Variants in RBFOX3 observed in about 807,000 individuals in gnomAD.
RBFOX3 encodes the protein RNA binding protein fox-1 homolog 3.
In RBFOX3, 17 loss-of-function variants were observed where a neutral mutation model predicts 48.7. The observed-to-expected ratio is 0.35, with a 90% CI of 0.24 to 0.52. The LOEUF is 0.52. RBFOX3 is among the 20% of genes least tolerant of loss of function. RBFOX3 has a pLI of 0.94. For missense variants in RBFOX3, 382 were observed against 497.5 expected (o/e 0.77, Z 2.21); for synonymous variants, 212 against 209.5 (o/e 1.01, Z -0.10).
At chr17:79,337,223 G>A (rs1177837285) in intron 2 of RBFOX3, among the ~76,000 whole-genome samples, 1 of 152,068 alleles carries the variant, frequency 6.6e-6, no homozygotes, top group Non-Finnish European at 1.5e-5. Context: ...TCCAGGCTAG[G>A]ACTTTTCAAA....
At chr17:79,130,411 G>A (rs555320878) in intron 4 of RBFOX3, among the ~76,000 whole-genome samples, 3 of 152,328 alleles carry the variant, frequency 2.0e-5, no homozygotes, top group South Asian at 2.1e-4. Context: ...CCAACAACCC[G>A]CCACCAAGTC....
intron 2 of RBFOX3, among the ~76,000 whole-genome samples, chr17:79,416,996 T>G (rs1383372492): frequency 6.6e-6 from 1 of 152,092 alleles, no homozygotes; most frequent in Non-Finnish European, 1.5e-5. Context: ...CTTGGCATGG[T>G]TTGCAGCAGG....
chr17:79,169,073 C>G (rs1013652093), intron 4 of RBFOX3, among the ~76,000 whole-genome samples: 3 of 152,244 alleles, frequency 2.0e-5, no homozygotes, highest in African/African-American at 7.2e-5. Context: ...CCTGGCCCTG[C>G]TCAGCTCTCA....
intron 2 of RBFOX3, among the ~76,000 whole-genome samples, chr17:79,464,291 A>C (rs904267898): frequency 1.3e-5 from 2 of 152,264 alleles, no homozygotes; most frequent in Non-Finnish European, 2.9e-5. Context: ...GAAAATTCCC[A>C]GAAAGACGTT....
At chr17:79,320,924 C>T (rs1179902516) in intron 2 of RBFOX3, among the ~76,000 whole-genome samples, 1 of 152,204 alleles carries the variant, frequency 6.6e-6, no homozygotes, top group African/African-American at 2.4e-5. Flanking sequence ...CTTCCCTGCA[C>T]ATTCAGAGTC....
At chr17:79,302,686 A>C (rs938339780) in intron 3 of RBFOX3, among the ~76,000 whole-genome samples, 11 of 152,192 alleles carry the variant, frequency 7.2e-5, no homozygotes, top group Admixed American at 2.0e-4. Context: ...TAGATGGTGA[A>C]AGAAATGAGT....
rs782407966 is a variant in RBFOX3, at chr17:79,535,357, G to C, written c.-319-52759C>G. Among the ~76,000 whole-genome samples, 1 of 152,168 alleles carries C rather than the reference G, an allele frequency of 6.6e-6. No homozygotes were observed. The highest frequency in any genetic ancestry group is 2.4e-5 in the African/African-American group (1 of 41,434). Reference sequence around the variant, plus strand: ...ATCACCTATAGGTAAGGAGAAGAGGGAGGGTGACAGAGGCTCCCAGAAGTC... The same window carrying C: ...ATCACCTATAGGTAAGGAGAAGAGGCAGGGTGACAGAGGCTCCCAGAAGTC... On this transcript the variant is annotated intron_variant, in intron 1 of 14. Coordinates refer to ENST00000693108, the MANE Select transcript of RBFOX3 (RefSeq NM_001350451.2). The surrounding 1 kb of genome is among the most constrained non-coding windows in gnomAD (Gnocchi z 4.5).
chr17:79,595,192 C>A (rs1472518966), intron 1 of RBFOX3, among the ~76,000 whole-genome samples: 1 of 151,976 alleles, frequency 6.6e-6, no homozygotes. Flanking sequence ...CGAGGCTGAC[C>A]ATAATGGGGC....
intron 4 of RBFOX3, among the ~76,000 whole-genome samples, chr17:79,131,719 T>C (rs1343647787): frequency 1.3e-5 from 2 of 152,168 alleles, no homozygotes; most frequent in African/African-American, 4.8e-5. Flanking sequence ...GGGTCAGATA[T>C]TGAGGGGTTC....
intron 2 of RBFOX3, among the ~76,000 whole-genome samples, chr17:79,359,937 G>A (rs1054452042): frequency 1.3e-5 from 2 of 152,084 alleles, no homozygotes; most frequent in Non-Finnish European, 2.9e-5. Flanking sequence ...TGTTGCCCAG[G>A]CTGATCTCGA....
In RBFOX3 at chr17:79,343,281, T is replaced by C. The variant is rs143155490; in HGVS notation, c.-174-35457A>G. ...TAACTCACACCTGTAATCCCAGCACTTTGGGAGGCCTAGGAGGGTGGATCA... is the reference window on the plus strand; with the variant it reads ...TAACTCACACCTGTAATCCCAGCACCTTGGGAGGCCTAGGAGGGTGGATCA... On this transcript the variant is annotated intron_variant, in intron 2 of 14. Transcript: ENST00000693108. Among the ~76,000 whole-genome samples, 1,099 of 152,188 alleles carry C rather than the reference T, an allele frequency of 7.2e-3. 14 individuals carry two copies. The highest frequency in any genetic ancestry group is 0.025 in the African/African-American group (1,031 of 41,512).
At chr17:79,408,127 G>C (rs927108515) in intron 2 of RBFOX3, among the ~76,000 whole-genome samples, 6 of 152,140 alleles carry the variant, frequency 3.9e-5, no homozygotes, top group Non-Finnish European at 7.4e-5. Context: ...TCTGTGAAGT[G>C]GGGGGAGAAG....
At chr17:79,611,570 A>T (rs2093970326), upstream of RBFOX3, among the ~76,000 whole-genome samples, 2 of 152,058 alleles carry the variant, frequency 1.3e-5, no homozygotes, top group South Asian at 4.1e-4. Flanking sequence ...GTGACCCTTA[A>T]CAGGACCCCT....
chr17:79,181,056 G>C (rs965468876), intron 4 of RBFOX3, among the ~76,000 whole-genome samples: 2 of 152,180 alleles, frequency 1.3e-5, no homozygotes, highest in African/African-American at 2.4e-5. Context: ...TAATTCTACC[G>C]AGACAGCGCC....
the RBFOX3 span, among the ~76,000 whole-genome samples, chr17:79,623,348 C>T: frequency 6.6e-6 from 1 of 152,210 alleles, no homozygotes; most frequent in African/African-American, 2.4e-5. Context: ...AGGTAGAATA[C>T]TGGCCCCAAA....
intron 3 of RBFOX3, among the ~76,000 whole-genome samples, chr17:79,244,410 G>C (rs1216165228): frequency 1.3e-5 from 2 of 152,194 alleles, no homozygotes; most frequent in African/African-American, 4.8e-5. Context: ...AGCAGTAAGA[G>C]AATAAACTTC....
intron 3 of RBFOX3, among the ~76,000 whole-genome samples, chr17:79,292,137 A>G (rs144893280): frequency 1.2e-3 from 186 of 152,246 alleles, no homozygotes; most frequent in Middle Eastern, 6.8e-3. Flanking sequence ...CAGTAATCAT[A>G]TTGTGGTAAT....
chr17:79,286,037 G>C (rs1453809448), intron 3 of RBFOX3, among the ~76,000 whole-genome samples: 1 of 152,184 alleles, frequency 6.6e-6, no homozygotes, highest in East Asian at 1.9e-4. Flanking sequence ...AAAGTCAATG[G>C]GCAGAATGGC....
At chr17:79,305,639 C>A (rs538028154) in intron 3 of RBFOX3, among the ~76,000 whole-genome samples, 2 of 152,148 alleles carry the variant, frequency 1.3e-5, no homozygotes, top group African/African-American at 2.4e-5. Context: ...TTTGGCCCTG[C>A]GTCTTCCTCC....
Sources: allele counts gnomAD v4.1 joint callset (sites outside exome capture counted in the v4.1 genomes callset), GRCh38; gene constraint gnomAD v4.1.1; non-coding constraint Gnocchi (gnomAD v3.1); transcripts MANE v1.5; gene names NCBI Gene and HGNC (gene_info 2026-07-23, HGNC 2026-07-21).